The following METTL22 variants were observed in gnomAD, a reference collection of about 807,000 sequenced individuals.
The protein encoded by METTL22 is methyltransferase-like protein 22.
A neutral mutation model predicts 48.4 loss-of-function variants in METTL22; 51 were observed. That is an observed-to-expected ratio of 1.05 (90% CI 0.84 to 1.33). The LOEUF (loss-of-function observed/expected upper bound fraction) is 1.33, where lower values mean the gene tolerates loss of function less well. METTL22 is among the 40% of genes most tolerant of loss of function. METTL22 has a pLI of 0.00. For missense variants in METTL22, 678 were observed against 526.9 expected, an observed-to-expected ratio of 1.29 and a Z score of -2.81; for synonymous variants, 255 against 214.1, an observed-to-expected ratio of 1.19 and a Z score of -1.67.
chr16:8,641,384 C>T (rs1378414190), intron 7 of METTL22, 200 bp downstream of exon 7: 9 of 681,190 alleles, frequency 1.3e-5, no homozygotes, highest in Middle Eastern at 2.4e-4. Context: ...GGGCACCTCA[C>T]GTTCATTTTC....
At chr16:8,627,821 C>CT (rs2056112992) in intron 2 of METTL22, among the ~76,000 whole-genome samples, 1 of 152,144 alleles carries the variant, frequency 6.6e-6, no homozygotes, top group African/African-American at 2.4e-5. Flanking sequence ...TCTTGACTCA[C>CT]TACAGCCTCG....
intron 5 of METTL22, among the ~76,000 whole-genome samples, chr16:8,636,707 A>G (rs751551869): frequency 6.6e-6 from 1 of 151,670 alleles, no homozygotes; most frequent in Non-Finnish European, 1.5e-5. Flanking sequence ...ATATTGTCTA[A>G]TAATCTGTCA....
At chr16:8,657,223 G>A in the METTL22 span, among the ~76,000 whole-genome samples, 2 of 152,156 alleles carry the variant, frequency 1.3e-5, no homozygotes, top group Admixed American at 1.3e-4. Context: ...CACCCTCCAA[G>A]CTAGTCCAGT....
chr16:8,623,243 G>A (rs191245961), intron 1 of METTL22, among the ~76,000 whole-genome samples: 31 of 151,930 alleles, frequency 2.0e-4, no homozygotes, highest in Admixed American at 1.1e-3. Context: ...CCCAGGAGGC[G>A]GAGGTTGTAG....
intron 10 of METTL22, chr16:8,645,005 G>A (rs2056742973): frequency 3.8e-6 from 1 of 261,262 alleles, no homozygotes; most frequent in South Asian, 1.3e-4. Context: ...CTCCAGAGGA[G>A]GCAAGACCGA....
At chr16:8,641,814 C>T (rs1395069798) in intron 7 of METTL22, 8 of 492,424 alleles carry the variant, frequency 1.6e-5, no homozygotes, top group Non-Finnish European at 3.0e-5. Flanking sequence ...TCCTGGGCCA[C>T]CCAGCAGGCA....
chr16:8,658,822 G>A, the METTL22 span, among the ~76,000 whole-genome samples: 5 of 152,158 alleles, frequency 3.3e-5, no homozygotes, highest in South Asian at 1.0e-3. Flanking sequence ...CCTTTGCAGG[G>A]CCCACAAGGC....
rs774392977 is a variant in METTL22, at chr16:8,628,820, A to C, written c.224A>C (p.Lys75Thr). ...KGGSHRDVHT[K>T]EPPSAETGST... ...GGCAGTCACAGAGATGTTCACACAAAGGAGCCTCCTTCTGCTGAGACAGGC... is the reference window on the plus strand; with the variant it reads ...GGCAGTCACAGAGATGTTCACACAACGGAGCCTCCTTCTGCTGAGACAGGC... The change falls in exon 3 of 11, where the codon AAG becomes ACG. Residue 75 changes from lysine (K) to threonine (T), a missense_variant. By Grantham distance (78) the Lys-to-Thr change is moderately conservative. Coordinates refer to ENST00000381920, the MANE Select transcript of METTL22 (RefSeq NM_024109.4). 1.2e-6 allele frequency: 2 copies of C among 1,614,084 alleles called. No homozygotes were observed. The highest frequency in any genetic ancestry group is 2.7e-5 in the African/African-American group (2 of 74,926).
At chr16:8,633,385 C>T (rs2056324534) in intron 3 of METTL22, among the ~76,000 whole-genome samples, 2 of 152,086 alleles carry the variant, frequency 1.3e-5, no homozygotes, top group South Asian at 4.1e-4. Context: ...TCACTTGAGC[C>T]CAAGGGTTTG....
chr16:8,625,728 G>A lies in METTL22; in HGVS notation c.63G>A (p.Leu21=), dbSNP rs773445114. ...TCACCTTTAGGAGCGACACTGTGCT[G>A]TCAGATGTCCACCTCTATACCCCGA... The part of the protein sequence containing the change: ...DEVTFRSDTV[L]SDVHLYTPNH... The change falls in exon 2 of 11, where the codon CTG becomes CTA. Residue 21 remains leucine (L), a synonymous_variant. Coordinates refer to ENST00000381920, the MANE Select transcript of METTL22 (RefSeq NM_024109.4). 2 of 1,614,218 alleles carry A rather than the reference G, an allele frequency of 1.2e-6. No homozygotes were observed. Among genetic ancestry groups the A allele is most frequent in the Admixed American group, 1.7e-5 (1 of 60,030 alleles).
intron 5 of METTL22, among the ~76,000 whole-genome samples, chr16:8,636,143 G>T (rs866381594): frequency 5.9e-5 from 9 of 151,958 alleles, no homozygotes; most frequent in Admixed American, 1.3e-4. Flanking sequence ...GGAATCCCCA[G>T]TGTCTGTGTT....
chr16:8,667,201 C>T, the METTL22 span: 1 of 152,032 alleles, frequency 6.6e-6, no homozygotes, highest in Non-Finnish European at 1.5e-5. Flanking sequence ...AGTTCAATCT[C>T]AGTTCAGGTT....
At position 8,648,113 on chromosome 16, in the gene METTL22, C is replaced by T. The variant is rs961214826; in HGVS notation, c.*1970C>T. The T allele has an allele frequency of 6.6e-6, 1 of 152,264 alleles. No individual in the cohort carries two copies. Among genetic ancestry groups the T allele is most frequent in the Non-Finnish European group, 1.5e-5 (1 of 68,108 alleles). 9.4% of individuals were successfully genotyped at this position (152,264 alleles called of 1,614,324 possible). ...CCAAGGCAGGAGGATCAATTAAGGCCAGGAGTTCAACCAGCCTGGACAACA... is the reference window on the plus strand; with the variant it reads ...CCAAGGCAGGAGGATCAATTAAGGCTAGGAGTTCAACCAGCCTGGACAACA... On this transcript the variant is annotated 3_prime_UTR_variant, in exon 11 of 11. Transcript: ENST00000381920.
chr16:8,624,073 G>C (rs559492590), intron 1 of METTL22: 6 of 152,258 alleles, frequency 3.9e-5, no homozygotes, highest in Non-Finnish European at 8.8e-5. Flanking sequence ...TGAAGAAACA[G>C]ATGCAGAGAG....
chr16:8,646,046 T>C, intron 10 of METTL22, 62 bp from the exon 11 acceptor site: 1 of 1,608,336 alleles, frequency 6.2e-7, no homozygotes. Flanking sequence ...CTTTCCTTAA[T>C]GAAATTGTGA....
rs1217259635 is a variant in METTL22 at position 8,628,965 on chromosome 16, CGTG to C, written c.373_375del (p.Val125del). ...AGCTGGATGAGGATGGGGATTTGGACGTGGTGAGAAGACCACGAGCCGCCTCTG... is the reference window on the plus strand; with the variant it reads ...AGCTGGATGAGGATGGGGATTTGGACGTGAGAAGACCACGAGCCGCCTCTG... On this transcript the variant is annotated inframe_deletion, in exon 3 of 11. Coordinates refer to ENST00000381920, the MANE Select transcript of METTL22 (RefSeq NM_024109.4). The C allele has an allele frequency of 6.2e-7, 1 of 1,613,894 alleles. No homozygotes were observed. Among genetic ancestry groups the C allele is most frequent in the Non-Finnish European group, 8.5e-7 (1 of 1,180,042 alleles).
intron 3 of METTL22, 52 bp downstream of exon 3, chr16:8,629,162 T>TGGTACTTGGCACACAGTGACA: frequency 6.3e-7 from 1 of 1,575,948 alleles, no homozygotes; most frequent in Non-Finnish European, 8.6e-7. Flanking sequence ...CTCCGCAGTG[T>TGGTACTTGGCACACAGTGACA]CACTGCTCAG....
At chr16:8,642,599 C>T (rs199917608) in intron 9 of METTL22, 34 bp downstream of exon 9, 55 of 1,582,158 alleles carry the variant, frequency 3.5e-5, no homozygotes, top group South Asian at 1.1e-5. Context: ...GTGCTGACGT[C>T]CCGAGTGTCA....
chr16:8,643,172 C>A (rs1255758082), intron 9 of METTL22, among the ~76,000 whole-genome samples: 1 of 152,236 alleles, frequency 6.6e-6, no homozygotes, highest in East Asian at 1.9e-4. Context: ...AAACAGACTT[C>A]TTCACCCAGC....
Sources: allele counts gnomAD v4.1 joint callset (sites outside exome capture counted in the v4.1 genomes callset), GRCh38; gene constraint gnomAD v4.1.1; transcripts MANE v1.5; gene names NCBI Gene and HGNC (gene_info 2026-07-23, HGNC 2026-07-21).